The following DLG2 variants were observed in gnomAD, a reference collection of about 807,000 sequenced individuals.
DLG2 encodes discs large MAGUK scaffold protein 2.
Under a neutral mutation model 132.5 loss-of-function variants are expected in DLG2, and 45 were observed. That is an observed-to-expected ratio of 0.34 (90% CI 0.27 to 0.44). The LOEUF is 0.44. DLG2 is among the 20% of genes least tolerant of loss of function. The pLI, the probability that DLG2 is intolerant of heterozygous loss-of-function variation, is 1.00. For missense variants in DLG2, 1,045 were observed against 1,196.9 expected, an observed-to-expected ratio of 0.87 and a Z score of 1.87; for synonymous variants, 424 against 419.6, an observed-to-expected ratio of 1.01 and a Z score of -0.13.
At chr11:85,381,621 A>G (rs565082183) in intron 3 of DLG2, among the ~76,000 whole-genome samples, 3 of 152,260 alleles carry the variant, frequency 2.0e-5, no homozygotes, top group African/African-American at 4.8e-5. Flanking sequence ...CACACACAAA[A>G]AAGAAACTAT....
chr11:84,653,454 C>A (rs1271342985), intron 6 of DLG2, among the ~76,000 whole-genome samples: 1 of 152,174 alleles, frequency 6.6e-6, no homozygotes, highest in Non-Finnish European at 1.5e-5. Context: ...TTATTTGAAA[C>A]CAGTAAGTAA....
intron 19 of DLG2, among the ~76,000 whole-genome samples, chr11:83,573,960 T>C (rs2144086515): frequency 6.6e-6 from 1 of 152,286 alleles, no homozygotes; most frequent in African/African-American, 2.4e-5. Flanking sequence ...AACTTTTGAG[T>C]CTCATGTTTT....
intron 6 of DLG2, among the ~76,000 whole-genome samples, chr11:84,732,909 C>T (rs544312560): frequency 2.7e-4 from 41 of 151,548 alleles, no homozygotes; most frequent in African/African-American, 6.8e-4. Context: ...TTTGTCCTTG[C>T]GATAGTTTGC....
intron 7 of DLG2, among the ~76,000 whole-genome samples, chr11:84,406,349 CCTT>C (rs1327874339): frequency 5.3e-5 from 8 of 152,038 alleles, no homozygotes; most frequent in African/African-American, 1.2e-4. Flanking sequence ...GACAGGGTCT[CCTT>C]CTGTTGGCCA....
intron 6 of DLG2, among the ~76,000 whole-genome samples, chr11:84,820,696 A>G (rs1196080999): frequency 1.3e-5 from 2 of 151,192 alleles, no homozygotes; most frequent in East Asian, 3.9e-4. Context: ...AGCATGCAGA[A>G]TCAGTATTTA....
intron 6 of DLG2, among the ~76,000 whole-genome samples, chr11:84,546,236 G>A (rs942054356): frequency 1.3e-5 from 2 of 152,138 alleles, no homozygotes; most frequent in Non-Finnish European, 2.9e-5. Flanking sequence ...GCTGTCTCAT[G>A]ACAGAGTTCT....
At chr11:84,357,499 G>A (rs2098623205) in intron 7 of DLG2, among the ~76,000 whole-genome samples, 1 of 151,896 alleles carries the variant, frequency 6.6e-6, no homozygotes, top group African/African-American at 2.4e-5. Context: ...TACATGGTTG[G>A]GTGATTATGT....
chr11:84,711,013 T>TATATATATATATATATAG, intron 6 of DLG2, among the ~76,000 whole-genome samples: 1 of 85,830 alleles, frequency 1.2e-5, no homozygotes, highest in African/African-American at 4.7e-5. Flanking sequence ...TATATAGATA[T>TATATATATATATATATAG]ATATATATAT....
intron 4 of DLG2, among the ~76,000 whole-genome samples, chr11:85,265,965 A>C (rs1282037114): frequency 6.6e-6 from 1 of 152,184 alleles, no homozygotes; most frequent in Non-Finnish European, 1.5e-5. Context: ...ATTCTCTTGG[A>C]TACCAGAAAA....
intron 3 of DLG2, among the ~76,000 whole-genome samples, chr11:85,324,723 A>G (rs1007959719): frequency 6.6e-6 from 1 of 151,580 alleles, no homozygotes; most frequent in Admixed American, 6.6e-5. Context: ...TAGGTGACTG[A>G]AAAACGGTGT....
chr11:84,669,354 G>T (rs547270267), intron 6 of DLG2, among the ~76,000 whole-genome samples: 1 of 152,266 alleles, frequency 6.6e-6, no homozygotes, highest in African/African-American at 2.4e-5. Flanking sequence ...CAGTCACAAA[G>T]ACTAACTTCA....
intron 7 of DLG2, among the ~76,000 whole-genome samples, chr11:84,490,541 A>G (rs1419974017): frequency 6.6e-6 from 1 of 151,096 alleles, no homozygotes; most frequent in Non-Finnish European, 1.5e-5. Context: ...CTCTCAGCGG[A>G]GATTTAATTT....
chr11:84,043,839 G>C (rs2096168072), intron 11 of DLG2, among the ~76,000 whole-genome samples: 1 of 151,096 alleles, frequency 6.6e-6, no homozygotes, highest in Non-Finnish European at 1.5e-5. Context: ...CCCTTTATTG[G>C]GTTCCCTGGG....
At chr11:84,531,643 A>C (rs2099341326) in intron 7 of DLG2, among the ~76,000 whole-genome samples, 1 of 152,154 alleles carries the variant, frequency 6.6e-6, no homozygotes, top group Non-Finnish European at 1.5e-5. Flanking sequence ...TCCTCTTCAC[A>C]ATACCTTGGG....
intron 6 of DLG2, among the ~76,000 whole-genome samples, chr11:84,570,002 G>T (rs2099474686): frequency 6.6e-6 from 1 of 152,168 alleles, no homozygotes; most frequent in Non-Finnish European, 1.5e-5. Context: ...TATGGGTGAG[G>T]TGGGGTGGTG....
intron 3 of DLG2, among the ~76,000 whole-genome samples, chr11:85,540,311 C>A (rs2075881100): frequency 6.6e-6 from 1 of 152,202 alleles, no homozygotes; most frequent in African/African-American, 2.4e-5. Flanking sequence ...CTAGCAGGCA[C>A]AGACACACGA....
At chr11:85,007,515 A>C (rs1016579455) in intron 6 of DLG2, among the ~76,000 whole-genome samples, 2 of 151,566 alleles carry the variant, frequency 1.3e-5, no homozygotes, top group African/African-American at 4.8e-5. Flanking sequence ...ACACAAAAAA[A>C]ATTAGCCGGG....
intron 5 of DLG2, among the ~76,000 whole-genome samples, chr11:85,150,682 T>A (rs2152452674): frequency 6.6e-6 from 1 of 151,260 alleles, no homozygotes; most frequent in Middle Eastern, 3.4e-3. Context: ...GATTTCCTTT[T>A]GTTCCTAAGG....
intron 15 of DLG2, among the ~76,000 whole-genome samples, chr11:83,893,013 C>T (rs117219694): frequency 1.3e-5 from 2 of 152,244 alleles, no homozygotes; most frequent in East Asian, 1.9e-4. Context: ...ATAGAGGTAC[C>T]GCTCACTGAG....
Sources: gnomAD v4.1 joint callset for allele counts (sites outside exome capture counted in the v4.1 genomes callset) on GRCh38, gnomAD v4.1.1 for gene constraint, MANE v1.5 for transcripts, NCBI Gene and HGNC (gene_info 2026-07-23, HGNC 2026-07-21) for gene names.